Variants in AUTS2 observed in about 807,000 individuals in gnomAD.
AUTS2 encodes activator of transcription and developmental regulator AUTS2.
In AUTS2, 17 loss-of-function variants were observed where a neutral mutation model predicts 112.4. The observed-to-expected ratio is 0.15, with a 90% CI of 0.10 to 0.23. The LOEUF (loss-of-function observed/expected upper bound fraction) is 0.23. Among genes scored for constraint, AUTS2 ranks in the 10% least tolerant of loss-of-function variants. The probability of loss-of-function intolerance (pLI) is 1.00; values close to 1 mark genes in which losing one functional copy is unlikely to be tolerated. For synonymous variants in AUTS2, 751 were observed against 702.7 expected, an observed-to-expected ratio of 1.07 and a Z score of -1.09; for missense variants, 1,510 against 1,701.6, an observed-to-expected ratio of 0.89 and a Z score of 1.98.
At chr7:70,364,903 T>C (rs1445878467) in intron 4 of AUTS2, among the ~76,000 whole-genome samples, 1 of 152,216 alleles carries the variant, frequency 6.6e-6, no homozygotes, top group African/African-American at 2.4e-5. Flanking sequence ...ACTAAAATGC[T>C]AAAAACTTTT....
At chr7:69,610,824 C>T (rs141751906) in intron 1 of AUTS2, among the ~76,000 whole-genome samples, 39 of 152,222 alleles carry the variant, frequency 2.6e-4, no homozygotes, top group Non-Finnish European at 4.4e-4. Context: ...ATGATTGTAT[C>T]GAGACACCCT....
intron 3 of AUTS2, among the ~76,000 whole-genome samples, chr7:70,132,097 G>C: frequency 6.6e-6 from 1 of 150,686 alleles, no homozygotes. Context: ...ATCACAAGAG[G>C]GTTTTTCTAC....
intron 6 of AUTS2, among the ~76,000 whole-genome samples, chr7:70,745,307 T>C (rs1481211401): frequency 6.6e-6 from 1 of 152,208 alleles, no homozygotes; most frequent in Non-Finnish European, 1.5e-5. Flanking sequence ...TTTTTCTATT[T>C]AGTTTTTAGC....
intron 4 of AUTS2, among the ~76,000 whole-genome samples, chr7:70,405,545 C>T (rs1212555506): frequency 2.6e-5 from 4 of 152,176 alleles, no homozygotes; most frequent in Admixed American, 2.6e-4. Context: ...AGAGTCCCAG[C>T]ATATGATAGA....
At chr7:70,406,708 A>G (rs192054665) in intron 4 of AUTS2, among the ~76,000 whole-genome samples, 70 of 152,320 alleles carry the variant, frequency 4.6e-4, no homozygotes, top group African/African-American at 1.6e-3. Context: ...GCAGGGACCC[A>G]AGGCATTTCC....
intron 5 of AUTS2, among the ~76,000 whole-genome samples, chr7:70,592,969 T>C (rs1041751763): frequency 3.3e-5 from 5 of 151,654 alleles, no homozygotes; most frequent in Non-Finnish European, 7.4e-5. Context: ...CTCACCTCAG[T>C]CTCCTGAGTA....
At chr7:70,253,361 C>T (rs1299334093) in intron 4 of AUTS2, among the ~76,000 whole-genome samples, 2 of 152,100 alleles carry the variant, frequency 1.3e-5, no homozygotes, top group East Asian at 1.9e-4. Flanking sequence ...TGTTATTCTT[C>T]TTGAGACATT....
At chr7:70,707,223 A>G (rs1404289587) in intron 6 of AUTS2, among the ~76,000 whole-genome samples, 4 of 152,222 alleles carry the variant, frequency 2.6e-5, no homozygotes, top group Non-Finnish European at 4.4e-5. Flanking sequence ...TAGCATCTGC[A>G]TTTTATAGGC....
At chr7:70,450,857 G>C (rs962118106) in intron 5 of AUTS2, among the ~76,000 whole-genome samples, 2 of 152,140 alleles carry the variant, frequency 1.3e-5, no homozygotes, top group African/African-American at 4.8e-5. Context: ...CACTGGGAAG[G>C]GGGGTCAAGG....
intron 5 of AUTS2, among the ~76,000 whole-genome samples, chr7:70,636,352 T>G (rs1041918657): frequency 1.3e-5 from 2 of 152,048 alleles, no homozygotes; most frequent in African/African-American, 4.8e-5. Context: ...GTCCTCTAGG[T>G]GATGTTGGTG....
chr7:70,381,843 A>G (rs542580861), intron 4 of AUTS2, among the ~76,000 whole-genome samples: 2 of 152,204 alleles, frequency 1.3e-5, no homozygotes, highest in South Asian at 2.1e-4. Flanking sequence ...CTTTATTTTT[A>G]TATTGCACTC....
chr7:70,444,259 T>C (rs76937115), intron 5 of AUTS2, among the ~76,000 whole-genome samples: 3,722 of 152,154 alleles, frequency 0.024, 165 homozygotes, highest in African/African-American at 0.085. Flanking sequence ...GGAGGCTCTT[T>C]GGTTGTCAGA....
At chr7:70,401,005 G>A (rs557296091) in intron 4 of AUTS2, among the ~76,000 whole-genome samples, 20 of 152,266 alleles carry the variant, frequency 1.3e-4, no homozygotes, top group Admixed American at 1.1e-3. Flanking sequence ...CAACAATCCC[G>A]GCAGGAGATA....
chr7:70,485,612 A>AC (rs1797961229), intron 5 of AUTS2, among the ~76,000 whole-genome samples: 1 of 151,906 alleles, frequency 6.6e-6, no homozygotes, highest in African/African-American at 2.4e-5. Context: ...ACCCCAAAAA[A>AC]CTATTGCATT....
chr7:70,257,768 A>G (rs1199481694), intron 4 of AUTS2, among the ~76,000 whole-genome samples: 1 of 151,822 alleles, frequency 6.6e-6, no homozygotes, highest in Non-Finnish European at 1.5e-5. Flanking sequence ...TGCCTATCCT[A>G]TTTTATTCTG....
At chr7:70,606,863 G>GAAAA (rs35779844) in intron 5 of AUTS2, among the ~76,000 whole-genome samples, 2 of 89,460 alleles carry the variant, frequency 2.2e-5, no homozygotes, top group African/African-American at 4.4e-5. Flanking sequence ...TCTGTCTCAA[G>GAAAA]AAAAAAAAAA....
intron 1 of AUTS2, among the ~76,000 whole-genome samples, chr7:69,703,178 G>A (rs1472334645): frequency 1.3e-5 from 2 of 152,110 alleles, no homozygotes; most frequent in Admixed American, 1.3e-4. Flanking sequence ...CAGGTGGCAT[G>A]CATGGTAGGG....
chr7:70,262,092 T>C (rs1314098199), intron 4 of AUTS2, among the ~76,000 whole-genome samples: 1 of 152,252 alleles, frequency 6.6e-6, no homozygotes, highest in African/African-American at 2.4e-5. Flanking sequence ...GTTATTTAAT[T>C]ATCTGTAAAC....
intron 1 of AUTS2, among the ~76,000 whole-genome samples, chr7:69,777,751 C>G (rs1437802029): frequency 6.6e-6 from 1 of 152,052 alleles, no homozygotes; most frequent in South Asian, 2.1e-4. Flanking sequence ...TTCAGAGTCC[C>G]TGCTTCCAAG....
Sources: allele counts gnomAD v4.1 joint callset (sites outside exome capture counted in the v4.1 genomes callset), GRCh38; gene constraint gnomAD v4.1.1; transcripts MANE v1.5; gene names NCBI Gene and HGNC (gene_info 2026-07-23, HGNC 2026-07-21).